TLX3: variants seen among roughly 807,000 people sequenced by gnomAD.
The protein encoded by TLX3 is T-cell leukemia homeobox protein 3.
In TLX3, 11 loss-of-function variants were observed where a neutral mutation model predicts 19.6. The ratio of observed to expected loss-of-function variants is 0.56; its 90% confidence interval spans 0.35 to 0.93. The LOEUF (loss-of-function observed/expected upper bound fraction) is 0.93, where lower values mean the gene tolerates loss of function less well. Ranked by LOEUF, TLX3 falls within the 40% of genes least tolerant of loss-of-function variation. The pLI is 0.01. For synonymous variants in TLX3, 221 were observed against 188.1 expected (o/e 1.17, Z -1.43); for missense variants, 375 against 418.6 (o/e 0.90, Z 0.91).
At position 171,309,354 on chromosome 5, in the gene TLX3, C is replaced by A. The variant is rs965661998; in HGVS notation, c.-12C>A. 1.3e-6 allele frequency: 2 copies of A among 1,524,924 alleles called. No homozygotes were observed. Among genetic ancestry groups the A allele is most frequent in the Non-Finnish European group, 8.9e-7 (1 of 1,128,328 alleles). 94.5% of individuals were successfully genotyped at this position (1,524,924 alleles called of 1,614,324 possible). On this transcript the variant is annotated 5_prime_UTR_variant, in exon 1 of 3. Coordinates refer to ENST00000296921, the MANE Select transcript of TLX3 (RefSeq NM_021025.4). ...CCCGCCCAGCCCAGCCCAGCCCTTC[C>A]GCCCGCCCAGGATGGAGGCGCCCGC...
Position 171,309,444 on chromosome 5 carries a change from C to T in TLX3, c.79C>T (p.Pro27Ser). 1.2e-6 allele frequency: 2 copies of T among 1,606,450 alleles called. No individual in the cohort carries two copies. The highest frequency in any genetic ancestry group is 1.7e-6 in the Non-Finnish European group (2 of 1,176,972). ...CGGCATCGACCAGATCCTTAACAGCCCGGACCAGGACAGCGCACCCGCCCC... is the reference window on the plus strand; with the variant it reads ...CGGCATCGACCAGATCCTTAACAGCTCGGACCAGGACAGCGCACCCGCCCC... Reference protein sequence around the residue: ...SFGIDQILNSPDQDSAPAPRG... With the variant: ...SFGIDQILNSSDQDSAPAPRG... Residue 27 changes from proline (P) to serine (S), a missense_variant, in exon 1 of 3, where the codon CCG (proline) becomes TCG (serine). Pro to Ser is a moderately conservative substitution (Grantham distance 74). Transcript: ENST00000296921.
intron 2 of TLX3, 60 bp downstream of exon 2, chr5:171,310,453 C>A: frequency 6.3e-7 from 1 of 1,584,632 alleles, no homozygotes; most frequent in East Asian, 2.3e-5. Flanking sequence ...CGCCCCGAGC[C>A]GCAGCCTCGC....
At position 171,310,180 on chromosome 5, in the gene TLX3, C is replaced by T; in HGVS notation, c.452C>T (p.Thr151Ile). ...AAAALTPFTV[T>I]RRIGHPYQNR... is the part of the protein sequence containing the mutation. ...GCCGCACTCACGCCCTTCACCGTGACCCGGCGCATCGGCCACCCCTACCAG... is the reference window on the plus strand; with the variant it reads ...GCCGCACTCACGCCCTTCACCGTGATCCGGCGCATCGGCCACCCCTACCAG... Residue 151 changes from threonine to isoleucine, a missense_variant, in exon 2 of 3, where the codon ACC (threonine) becomes ATC (isoleucine). This residue lies in a region of TLX3 where 74 missense variants were observed against 138.6 expected (regional missense o/e 0.53). Transcript: ENST00000296921. The T allele has an allele frequency of 6.4e-7, 1 of 1,551,630 alleles. No individual in the cohort carries two copies. Among genetic ancestry groups the T allele is most frequent in the Non-Finnish European group, 8.7e-7 (1 of 1,147,528 alleles).
chr5:171,309,549 T>C lies in TLX3; in HGVS notation c.184T>C (p.Ser62Pro), dbSNP rs1156746604. 1.9e-6 allele frequency: 3 copies of C among 1,578,282 alleles called. No individual in the cohort carries two copies. Among genetic ancestry groups the C allele is most frequent in the Non-Finnish European group, 2.6e-6 (3 of 1,163,682 alleles). The change falls in exon 1 of 3, where the codon TCC becomes CCC. Residue 62 changes from serine (S) to proline (P), a missense_variant. Ser to Pro is a moderately conservative substitution (Grantham distance 74, BLOSUM62 -1). Transcript: ENST00000296921. ...PGATYPSLPA[S>P]FAGLGAPFED... is the part of the protein sequence containing the mutation. Reference sequence around the variant, plus strand: ...CGCCACATACCCGTCTCTGCCCGCCTCCTTTGCGGGCCTCGGCGCGCCCTT... The same window carrying C: ...CGCCACATACCCGTCTCTGCCCGCCCCCTTTGCGGGCCTCGGCGCGCCCTT...
rs774545454 is a variant in TLX3, at chr5:171,309,384, G to C, written c.19G>C (p.Ala7Pro). 1 of 1,349,400 alleles carries C rather than the reference G, an allele frequency of 7.4e-7. No individual in the cohort carries two copies. Among genetic ancestry groups the C allele is most frequent in the Non-Finnish European group, 9.8e-7 (1 of 1,017,100 alleles). 83.6% of individuals were successfully genotyped at this position (1,349,400 alleles called of 1,614,324 possible). Residue 7 changes from alanine to proline, a missense_variant, in exon 1 of 3, where the codon GCG (alanine) becomes CCG (proline). By Grantham distance (27) the Ala-to-Pro change is conservative (BLOSUM62 -1). Transcript: ENST00000296921. MEAPAS[A>P]QTPHPHEPIS... ...GCCCAGGATGGAGGCGCCCGCCAGC[G>C]CGCAGACCCCGCACCCGCACGAGCC...
rs1215801858 is a variant in TLX3 at position 171,311,658 on chromosome 5, A to AC, written c.*65dup. On this transcript the variant is annotated 3_prime_UTR_variant, in exon 3 of 3. Coordinates refer to ENST00000296921, the MANE Select transcript of TLX3 (RefSeq NM_021025.4). The surrounding 1 kb of genome is among the most constrained non-coding windows in gnomAD (Gnocchi z 5.1). ...GCCCCCACCCAGCCGGGCGCCCCGGACCCCCCAGGCGGGCTGCGGGGGAAC... is the reference window on the plus strand; with the variant it reads ...GCCCCCACCCAGCCGGGCGCCCCGGACCCCCCCAGGCGGGCTGCGGGGGAAC... The AC allele has an allele frequency of 3.6e-6, 5 of 1,397,590 alleles. No homozygotes were observed. Among genetic ancestry groups the AC allele is most frequent in the African/African-American group, 3.0e-5 (2 of 67,610 alleles). The allele number at this position is 1,397,590 out of a possible 1,614,324, so 86.6% of individuals were successfully genotyped here.
At position 171,311,359 on chromosome 5, in the gene TLX3, G is replaced by A. The variant is rs1343950371; in HGVS notation, c.666-30G>A. ...GGCCCCGCGGTGCCGGGTGCATGAC[G>A]GTACTGTCCCTCTCCCTCCCCCGGT... On this transcript the variant is annotated intron_variant, in intron 2 of 2. Coordinates refer to ENST00000296921, the MANE Select transcript of TLX3 (RefSeq NM_021025.4). The surrounding 1 kb of genome is among the most constrained non-coding windows in gnomAD (Gnocchi z 5.1). 10 of 1,543,468 alleles carry A rather than the reference G, an allele frequency of 6.5e-6. No individual in the cohort carries two copies. The highest frequency in any genetic ancestry group is 2.4e-5 in the South Asian group (2 of 83,346).
intron 1 of TLX3, 140 bp downstream of exon 1, chr5:171,309,926 G>A: frequency 1.5e-6 from 2 of 1,316,934 alleles, no homozygotes; most frequent in East Asian, 2.6e-5. Flanking sequence ...CCGGGCAGCC[G>A]TGGTGGGGAG....
Position 171,311,650 on chromosome 5 carries a change from C to T in TLX3, c.*51C>T. 3 of 1,448,706 alleles carry T rather than the reference C, an allele frequency of 2.1e-6. No homozygotes were observed. The highest frequency in any genetic ancestry group is 2.5e-5 in the East Asian group (1 of 40,126). 89.7% of individuals were successfully genotyped at this position (1,448,706 alleles called of 1,614,324 possible). Reference sequence around the variant, plus strand: ...GGATCGCCGCCCCCACCCAGCCGGGCGCCCCGGACCCCCCAGGCGGGCTGC... The same window carrying T: ...GGATCGCCGCCCCCACCCAGCCGGGTGCCCCGGACCCCCCAGGCGGGCTGC... On this transcript the variant is annotated 3_prime_UTR_variant, in exon 3 of 3. Transcript: ENST00000296921. This position sits in a 1 kb window ranked among gnomAD's most constrained non-coding sequence, Gnocchi z 5.1.
chr5:171,311,825 C>G lies in TLX3; in HGVS notation c.*226C>G, dbSNP rs1769229427. On this transcript the variant is annotated 3_prime_UTR_variant, in exon 3 of 3. Coordinates refer to ENST00000296921, the MANE Select transcript of TLX3 (RefSeq NM_021025.4). The surrounding 1 kb of genome is among the most constrained non-coding windows in gnomAD (Gnocchi z 5.1). ...CCCCGCCCCGCGCCCCGTCCCGCCC[C>G]AGGCCCGGGCCTGACAAGAAAGCGC... 5.4e-6 allele frequency: 2 copies of G among 371,554 alleles called. No individual in the cohort carries two copies. The highest frequency in any genetic ancestry group is 2.1e-4 in the South Asian group (2 of 9,362). 23.0% of individuals were successfully genotyped at this position (371,554 alleles called of 1,614,324 possible).
At position 171,310,752 on chromosome 5, in the gene TLX3, ACG is replaced by A. The variant is rs1449687518; in HGVS notation, c.665+363_665+364del. ...CACAGGCACACACACACACACACAC[ACG>A]CGCACACACACGGGCCTCTCGCACT... On this transcript the variant is annotated intron_variant, in intron 2 of 2. Coordinates refer to ENST00000296921, the MANE Select transcript of TLX3 (RefSeq NM_021025.4). Among the ~76,000 whole-genome samples the A allele has an allele frequency of 4.0e-4, 33 of 81,726 alleles. No individual in the cohort carries two copies. In the South Asian group the frequency reaches 4.6e-3, roughly 11 times the overall value. The allele number at this position is 81,726 out of a possible 152,430, so 53.6% of individuals were successfully genotyped here. A position where few individuals can be genotyped will look rare whatever the true frequency, so the allele number is the denominator to read the frequency against.
rs758263097 is a variant in TLX3 at position 171,309,785 on chromosome 5, A to T, written c.420A>T (p.Thr140=). 6.3e-7 allele frequency: 1 copy of T among 1,593,770 alleles called. No individual in the cohort carries two copies. Among genetic ancestry groups the T allele is most frequent in the South Asian group, 1.1e-5 (1 of 88,912 alleles). Residue 140 remains threonine (T), a splice_region_variant and synonymous_variant, in exon 1 of 3, where the codon ACA becomes ACT. Coordinates refer to ENST00000296921, the MANE Select transcript of TLX3 (RefSeq NM_021025.4). ...GCCGCTTCGTGAAAGACCGCTTCACAGGTGAGCAGAGCTGGCGACCAGGCT... is the reference window on the plus strand; with the variant it reads ...GCCGCTTCGTGAAAGACCGCTTCACTGGTGAGCAGAGCTGGCGACCAGGCT... ...SSRRFVKDRF[T]AAAALTPFTV...
In TLX3 at chr5:171,311,682, A is replaced by T; in HGVS notation, c.*83A>T. ...GACCCCCCAGGCGGGCTGCGGGGGA[A>T]CCGGCGCCGAGAGGGGAAGGGGCCG... is the stretch of plus-strand genomic sequence containing the variant. On this transcript the variant is annotated 3_prime_UTR_variant, in exon 3 of 3. Coordinates refer to ENST00000296921, the MANE Select transcript of TLX3 (RefSeq NM_021025.4). This position sits in a 1 kb window ranked among gnomAD's most constrained non-coding sequence, Gnocchi z 5.1. The T allele has an allele frequency of 8.9e-7, 1 of 1,120,066 alleles. No individual in the cohort carries two copies. The highest frequency in any genetic ancestry group is 1.3e-6 in the Non-Finnish European group (1 of 796,794). The allele number at this position is 1,120,066 out of a possible 1,614,324, so 69.4% of individuals were successfully genotyped here.
At chr5:171,309,831 G>T (rs1372849181) in intron 1 of TLX3, 45 bp downstream of exon 1, 3 of 1,507,794 alleles carry the variant, frequency 2.0e-6, no homozygotes, top group Non-Finnish European at 2.6e-6. Context: ...GCCCTCTCGG[G>T]GCCAGAGGCG....
rs2113031691 is a variant in TLX3 at position 171,311,575 on chromosome 5, T to C, written c.852T>C (p.Val284=). 1.2e-6 allele frequency: 2 copies of C among 1,611,564 alleles called. No individual in the cohort carries two copies. The highest frequency in any genetic ancestry group is 2.2e-5 in the East Asian group (1 of 44,804). Residue 284 remains valine (V), a synonymous_variant, in exon 3 of 3, where the codon GTT becomes GTC. Transcript: ENST00000296921. This position sits in a 1 kb window ranked among gnomAD's most constrained non-coding sequence, Gnocchi z 5.1. ...LQPWEEDSSK[V]PAVTSLV ...CCTGGGAGGAGGATAGTTCCAAGGT[T>C]CCCGCTGTCACCTCCCTGGTGTGAG...
chr5:171,311,280 G>A lies in TLX3; in HGVS notation c.666-109G>A. The A allele has an allele frequency of 1.1e-6, 1 of 918,896 alleles. No homozygotes were observed. The highest frequency in any genetic ancestry group is 1.6e-6 in the Non-Finnish European group (1 of 623,140). 56.9% of individuals were successfully genotyped at this position (918,896 alleles called of 1,614,324 possible). On this transcript the variant is annotated intron_variant, in intron 2 of 2. Coordinates refer to ENST00000296921, the MANE Select transcript of TLX3 (RefSeq NM_021025.4). This position sits in a 1 kb window ranked among gnomAD's most constrained non-coding sequence, Gnocchi z 5.1. ...GGGCTGGGAGGCAGACGGGTTCTGCGCCTCGAGGCTCCCGGATGGCCTCGG... is the reference window on the plus strand; with the variant it reads ...GGGCTGGGAGGCAGACGGGTTCTGCACCTCGAGGCTCCCGGATGGCCTCGG...
In TLX3 at chr5:171,309,326, C is replaced by CAA; in HGVS notation, c.-40_-39insAA. ...CGCGCCGTAACGGGGACCCAGCCGC[C>CAA]TCCCCGCCCAGCCCAGCCCAGCCCT... On this transcript the variant is annotated 5_prime_UTR_variant, in exon 1 of 3. Coordinates refer to ENST00000296921, the MANE Select transcript of TLX3 (RefSeq NM_021025.4). The CAA allele has an allele frequency of 8.8e-7, 1 of 1,137,740 alleles. No homozygotes were observed. The allele number at this position is 1,137,740 out of a possible 1,614,324, so 70.5% of individuals were successfully genotyped here.
Position 171,309,417 on chromosome 5 carries a change from T to A in TLX3, c.52T>A (p.Phe18Ile). 6.3e-7 allele frequency: 1 copy of A among 1,578,340 alleles called. No individual in the cohort carries two copies. Among genetic ancestry groups the A allele is most frequent in the Non-Finnish European group, 8.6e-7 (1 of 1,159,796 alleles). Residue 18 changes from phenylalanine to isoleucine, a missense_variant, in exon 1 of 3, where the codon TTC becomes ATC. Phe to Ile is a conservative substitution (Grantham distance 21). Transcript: ENST00000296921. ...CCCGCACCCGCACGAGCCCATCAGC[T>A]TCGGCATCGACCAGATCCTTAACAG... ...QTPHPHEPIS[F>I]GIDQILNSPD...
chr5:171,309,352 T>TACCCCC lies in TLX3; in HGVS notation c.-14_-13insACCCCC. ...TCCCCGCCCAGCCCAGCCCAGCCCT[T>TACCCCC]CCGCCCGCCCAGGATGGAGGCGCCC... On this transcript the variant is annotated 5_prime_UTR_variant, in exon 1 of 3. Coordinates refer to ENST00000296921, the MANE Select transcript of TLX3 (RefSeq NM_021025.4). The TACCCCC allele has an allele frequency of 1.9e-6, 2 of 1,044,948 alleles. No individual in the cohort carries two copies. The highest frequency in any genetic ancestry group is 2.7e-6 in the Non-Finnish European group (2 of 747,044). 64.7% of individuals were successfully genotyped at this position (1,044,948 alleles called of 1,614,324 possible).
Sources: gnomAD v4.1 joint callset for allele counts (sites outside exome capture counted in the v4.1 genomes callset) on GRCh38, gnomAD v4.1.1 for gene constraint, gnomAD v4.1.1 regional missense constraint, Gnocchi (gnomAD v3.1) non-coding constraint, MANE v1.5 for transcripts, NCBI Gene and HGNC (gene_info 2026-07-23, HGNC 2026-07-21) for gene names.